The following SPON1 variants were observed in gnomAD, a reference collection of about 807,000 sequenced individuals.
SPON1 encodes spondin 1.
A neutral mutation model predicts 111.7 loss-of-function variants in SPON1; 52 were observed. The ratio of observed to expected loss-of-function variants is 0.47; its 90% CI spans 0.37 to 0.59. The LOEUF (loss-of-function observed/expected upper bound fraction) is 0.59, where lower values mean the gene tolerates loss of function less well. Among genes scored for constraint, SPON1 ranks in the 20% least tolerant of loss-of-function variants. The pLI, the probability that SPON1 is intolerant of heterozygous loss-of-function variation, is 0.00. For synonymous variants in SPON1, 410 were observed against 395.8 expected, an observed-to-expected ratio of 1.04 and a Z score of -0.43; for missense variants, 957 against 1,068.5, an observed-to-expected ratio of 0.90 and a Z score of 1.46.
At chr11:14,147,092 C>T (rs182677784) in intron 6 of SPON1, among the ~76,000 whole-genome samples, 8 of 117,882 alleles carry the variant, frequency 6.8e-5, no homozygotes, top group Non-Finnish European at 1.1e-4. Context: ...TGCAGTGGTG[C>T]GATCTTGGCT....
chr11:14,008,129 AT>A (rs1554913359), intron 2 of SPON1, among the ~76,000 whole-genome samples: 1 of 152,142 alleles, frequency 6.6e-6, no homozygotes, highest in East Asian at 1.9e-4. Flanking sequence ...AAAAATAAAA[AT>A]TAAAAATTAA....
intron 6 of SPON1, among the ~76,000 whole-genome samples, chr11:14,162,621 A>C (rs1159684953): frequency 6.6e-6 from 1 of 152,214 alleles, no homozygotes; most frequent in Non-Finnish European, 1.5e-5. Flanking sequence ...CATTATTTTC[A>C]GCAACTTGCC....
chr11:14,246,832 T>A (rs7115393), intron 7 of SPON1, among the ~76,000 whole-genome samples: 56,970 of 151,960 alleles, frequency 0.37, 11,036 homozygotes, highest in Admixed American at 0.47. Flanking sequence ...TAAAGTGCCA[T>A]TAGGGGGGTT....
At chr11:14,123,571 G>A (rs1275556669) in intron 5 of SPON1, among the ~76,000 whole-genome samples, 1 of 152,046 alleles carries the variant, frequency 6.6e-6, no homozygotes, top group African/African-American at 2.4e-5. Context: ...AGCTCCCCAG[G>A]GGCTGTTCTC....
rs114600291 is a variant in SPON1 at position 14,011,917 on chromosome 11, A to G, written c.345+28964A>G. Reference sequence around the variant, plus strand: ...CTGCTTATTAACCAGGTGACCTTGCACAATTCTTCAAACCTCAGTTTCCCT... The same window carrying G: ...CTGCTTATTAACCAGGTGACCTTGCGCAATTCTTCAAACCTCAGTTTCCCT... On this transcript the variant is annotated intron_variant, in intron 2 of 15. Transcript: ENST00000576479. Among the ~76,000 whole-genome samples, 801 of 152,306 alleles carry G rather than the reference A, an allele frequency of 5.3e-3. 9 individuals are homozygous for G. The highest frequency in any genetic ancestry group is 0.018 in the African/African-American group (740 of 41,560).
chr11:14,070,894 A>G (rs1848870633), intron 3 of SPON1, among the ~76,000 whole-genome samples: 1 of 152,196 alleles, frequency 6.6e-6, no homozygotes, highest in Non-Finnish European at 1.5e-5. Flanking sequence ...TCAGGTTGAA[A>G]AGAAAACTTT....
chr11:14,265,440 G>A, intron 15 of SPON1, 84 bp from the exon 16 acceptor site: 1 of 1,435,074 alleles, frequency 7.0e-7, no homozygotes, highest in Non-Finnish European at 9.4e-7. Flanking sequence ...GCCCAGACAA[G>A]CACATTTCAC....
At chr11:14,264,704 TAACA>T (rs1849242791) in intron 15 of SPON1, among the ~76,000 whole-genome samples, 2 of 152,202 alleles carry the variant, frequency 1.3e-5, no homozygotes, top group Admixed American at 6.5e-5. Context: ...GTAGTGTGGT[TAACA>T]AATATCTCAT....
chr11:14,088,623 CTCGGGGAGTA>C (rs201932916), intron 5 of SPON1, among the ~76,000 whole-genome samples: 3,290 of 152,036 alleles, frequency 0.022, 51 homozygotes, highest in Middle Eastern at 0.041. Flanking sequence ...GGTTGTTCTT[CTCGGGGAGTA>C]TCATTGTGGT....
chr11:14,095,598 G>A (rs782796447), intron 5 of SPON1, among the ~76,000 whole-genome samples: 2 of 152,180 alleles, frequency 1.3e-5, no homozygotes, highest in African/African-American at 2.4e-5. Flanking sequence ...AGCCAATGGT[G>A]TAAATCCCAG....
Position 14,232,548 on chromosome 11 carries a change from C to T in SPON1, c.826-10784C>T, listed in dbSNP as rs189264081. ...GTCCTCTGCTTCCCTTTTCCCTCCC[C>T]ACTCTGGCAACTCTGGAAGACCACT... On this transcript the variant is annotated intron_variant, in intron 6 of 15. Transcript: ENST00000576479. Among the ~76,000 whole-genome samples the T allele has an allele frequency of 8.9e-4, 136 of 152,294 alleles. 4 individuals carry two copies. The highest frequency in any genetic ancestry group is 8.8e-3 in the Admixed American group (135 of 15,298).
At chr11:14,005,704 T>A (rs926615067) in intron 2 of SPON1, among the ~76,000 whole-genome samples, 1 of 137,138 alleles carries the variant, frequency 7.3e-6, no homozygotes, top group African/African-American at 2.8e-5. Flanking sequence ...ATTAGAGTCC[T>A]TGGCACATAG....
At chr11:14,069,786 T>G (rs1554920708) in intron 3 of SPON1, among the ~76,000 whole-genome samples, 1 of 151,642 alleles carries the variant, frequency 6.6e-6, no homozygotes, top group East Asian at 1.9e-4. Context: ...CCTCTGAATC[T>G]ATAGCTTTGT....
chr11:14,130,258 A>G (rs1017472822), intron 5 of SPON1, among the ~76,000 whole-genome samples: 3 of 152,242 alleles, frequency 2.0e-5, no homozygotes, highest in African/African-American at 7.2e-5. Context: ...GTCATGATAC[A>G]GAAGAGATGA....
intron 1 of SPON1, among the ~76,000 whole-genome samples, chr11:13,975,059 C>G (rs915734317): frequency 3.3e-5 from 5 of 152,214 alleles, no homozygotes; most frequent in African/African-American, 1.2e-4. Context: ...GAAGCCTCTT[C>G]GAATTCACCC....
At chr11:14,054,691 G>A (rs1449494820) in intron 3 of SPON1, among the ~76,000 whole-genome samples, 6 of 152,146 alleles carry the variant, frequency 3.9e-5, no homozygotes, top group Non-Finnish European at 7.4e-5. Flanking sequence ...TCAAGGAATG[G>A]GGAATGATGG....
At chr11:14,250,154 A>G (rs1297589211) in intron 7 of SPON1, among the ~76,000 whole-genome samples, 2 of 152,186 alleles carry the variant, frequency 1.3e-5, no homozygotes, top group Non-Finnish European at 2.9e-5. Context: ...GTCACACTCA[A>G]TGGAGACATT....
chr11:14,048,379 CT>C (rs1378602761), intron 3 of SPON1, among the ~76,000 whole-genome samples: 51 of 152,252 alleles, frequency 3.3e-4, no homozygotes, highest in African/African-American at 1.2e-3. Context: ...AGTAATATTC[CT>C]GGGAGAAGGC....
At chr11:14,140,673 G>A (rs145385313) in intron 6 of SPON1, among the ~76,000 whole-genome samples, 228 of 152,314 alleles carry the variant, frequency 1.5e-3, no homozygotes, top group African/African-American at 5.4e-3. Flanking sequence ...AGGATTACAG[G>A]CGTGAGCCAC....
Sources: gnomAD v4.1 joint callset for allele counts (sites outside exome capture counted in the v4.1 genomes callset) on GRCh38, gnomAD v4.1.1 for gene constraint, MANE v1.5 for transcripts, NCBI Gene and HGNC (gene_info 2026-07-23, HGNC 2026-07-21) for gene names.